The following MAP3K7CL variants were observed in gnomAD, a reference collection of about 807,000 sequenced individuals.
The protein encoded by MAP3K7CL is MAP3K7 C-terminal-like protein.
A neutral mutation model predicts 18.6 loss-of-function variants in MAP3K7CL; 16 were observed. The ratio of observed to expected loss-of-function variants is 0.86; its 90% CI spans 0.58 to 1.31. MAP3K7CL has a LOEUF of 1.31. Among genes scored for constraint, MAP3K7CL ranks in the 50% most tolerant of loss-of-function variants. MAP3K7CL has a pLI of 0.00. For synonymous variants in MAP3K7CL, 65 were observed against 66.8 expected, an observed-to-expected ratio of 0.97 and a Z score of 0.13; for missense variants, 163 against 174.4, an observed-to-expected ratio of 0.93 and a Z score of 0.37.
At chr21:29,100,512 C>G (rs62222392) in intron 4 of MAP3K7CL, among the ~76,000 whole-genome samples, 4,505 of 152,174 alleles carry the variant, frequency 0.03, 104 homozygotes, top group Middle Eastern at 0.099. Flanking sequence ...CATTTACTAG[C>G]TGTTTTGAGT....
At chr21:29,162,065 A>G (rs116933952) in intron 4 of MAP3K7CL, among the ~76,000 whole-genome samples, 4,425 of 152,332 alleles carry the variant, frequency 0.029, 94 homozygotes, top group Non-Finnish European at 0.045. Context: ...CTCAGATTGC[A>G]TGATTACACA....
At chr21:29,121,066 A>ATATATATATATG (rs1386174768) in intron 4 of MAP3K7CL, among the ~76,000 whole-genome samples, 1 of 147,050 alleles carries the variant, frequency 6.8e-6, no homozygotes, top group Admixed American at 6.8e-5. Context: ...ATATATATAT[A>ATATATATATATG]TAGTGTATAT....
At chr21:29,093,698 C>G (rs748994960) in intron 4 of MAP3K7CL, among the ~76,000 whole-genome samples, 31 of 151,920 alleles carry the variant, frequency 2.0e-4, no homozygotes, top group Non-Finnish European at 4.3e-4. Context: ...CCGTGTTGGC[C>G]AGGATGGTCT....
intron 2 of MAP3K7CL, among the ~76,000 whole-genome samples, chr21:29,140,630 C>T (rs909937867): frequency 6.6e-6 from 1 of 152,138 alleles, no homozygotes; most frequent in African/African-American, 2.4e-5. Flanking sequence ...CAAATAGCTT[C>T]CCGACAACAA....
chr21:29,087,515 T>G (rs571668917), intron 1 of MAP3K7CL, among the ~76,000 whole-genome samples: 1 of 152,166 alleles, frequency 6.6e-6, no homozygotes, highest in East Asian at 1.9e-4. Context: ...GAGGTTAAGC[T>G]ATGTCTTAGG....
At chr21:29,160,096 C>T (rs775209775) in intron 4 of MAP3K7CL, 40 bp downstream of exon 4, 143 of 1,538,304 alleles carry the variant, frequency 9.3e-5, no homozygotes, top group Non-Finnish European at 1.2e-4. Flanking sequence ...TGAGCACTGC[C>T]TACTGGGCAA....
chr21:29,141,846 G>A (rs2087016036), intron 2 of MAP3K7CL, among the ~76,000 whole-genome samples: 1 of 151,992 alleles, frequency 6.6e-6, no homozygotes, highest in Non-Finnish European at 1.5e-5. Context: ...CTTTTGTTGT[G>A]TCTTAAAACT....
upstream of MAP3K7CL, among the ~76,000 whole-genome samples, chr21:29,129,809 A>G (rs1272113035): frequency 2.0e-5 from 3 of 152,230 alleles, no homozygotes; most frequent in African/African-American, 7.2e-5. Context: ...CAGCCTCACC[A>G]ACATTTGATG....
chr21:29,088,996 C>A (rs997470046), intron 1 of MAP3K7CL, among the ~76,000 whole-genome samples: 1 of 151,714 alleles, frequency 6.6e-6, no homozygotes, highest in African/African-American at 2.4e-5. Flanking sequence ...ATGGTGAAAC[C>A]CCGTCTCTAC....
intron 4 of MAP3K7CL, among the ~76,000 whole-genome samples, chr21:29,171,695 T>C (rs528416142): frequency 3.9e-4 from 59 of 151,408 alleles, no homozygotes; most frequent in Non-Finnish European, 7.1e-4. Context: ...TAGTCCCAGC[T>C]ACTCGCGAGG....
chr21:29,098,836 C>A (rs1250444122), intron 4 of MAP3K7CL, among the ~76,000 whole-genome samples: 3 of 152,190 alleles, frequency 2.0e-5, no homozygotes, highest in Admixed American at 2.0e-4. Context: ...GAGAGAAATT[C>A]TTTGTATCTT....
At position 29,162,370 on chromosome 21, in the gene MAP3K7CL, T is replaced by A. The variant is rs939225814; in HGVS notation, c.248+2314T>A. Among the ~76,000 whole-genome samples, 4 of 152,128 alleles carry A rather than the reference T, an allele frequency of 2.6e-5. No individual in the cohort carries two copies. The East Asian group carries it at 7.7e-4, about 29-fold the overall frequency. ...TAAATTACATGTTCTGTAAGTTTTT[T>A]TTATGTTGCATTAAAAAAAATATGG... On this transcript the variant is annotated intron_variant, in intron 4 of 4. Coordinates refer to ENST00000399928, the MANE Select transcript of MAP3K7CL (RefSeq NM_001286620.2).
chr21:29,142,759 T>C (rs1030834740), intron 2 of MAP3K7CL, among the ~76,000 whole-genome samples: 1 of 152,248 alleles, frequency 6.6e-6, no homozygotes, highest in Non-Finnish European at 1.5e-5. Flanking sequence ...GACATATACA[T>C]TGCTTTATCA....
intron 4 of MAP3K7CL, among the ~76,000 whole-genome samples, chr21:29,114,020 G>A (rs2086464332): frequency 6.6e-6 from 1 of 151,864 alleles, no homozygotes; most frequent in African/African-American, 2.4e-5. Flanking sequence ...ATCTATATTT[G>A]GGAGTTAAAT....
chr21:29,152,704 T>C (rs1657506850), intron 3 of MAP3K7CL, among the ~76,000 whole-genome samples: 1 of 152,214 alleles, frequency 6.6e-6, no homozygotes, highest in African/African-American at 2.4e-5. Context: ...TCCCTACATA[T>C]GATCTCATTT....
At chr21:29,105,053 A>T (rs2086296826) in intron 4 of MAP3K7CL, among the ~76,000 whole-genome samples, 1 of 152,224 alleles carries the variant, frequency 6.6e-6, no homozygotes, top group African/African-American at 2.4e-5. Flanking sequence ...AGAAGGTCTC[A>T]TTGGAAGCCC....
intron 3 of MAP3K7CL, among the ~76,000 whole-genome samples, chr21:29,091,992 A>G (rs1001311976): frequency 3.9e-5 from 6 of 152,218 alleles, no homozygotes; most frequent in Non-Finnish European, 7.3e-5. Flanking sequence ...TAATCCAGCT[A>G]GAATACTGCA....
chr21:29,109,917 T>A, intron 4 of MAP3K7CL: 1 of 416,104 alleles, frequency 2.4e-6, no homozygotes, highest in Non-Finnish European at 3.2e-6. Flanking sequence ...AAGAAGACAT[T>A]AATCTAGCAA....
At chr21:29,092,728 GTTC>G (rs1273891845) in intron 4 of MAP3K7CL, 3 of 815,244 alleles carry the variant, frequency 3.7e-6, no homozygotes, top group Non-Finnish European at 5.7e-6. Context: ...CGTGCTGGGT[GTTC>G]TTCTATCTCC....
Sources: gnomAD v4.1 joint callset for allele counts (sites outside exome capture counted in the v4.1 genomes callset) on GRCh38, gnomAD v4.1.1 for gene constraint, MANE v1.5 for transcripts, NCBI Gene and HGNC (gene_info 2026-07-23, HGNC 2026-07-21) for gene names.